The following PCDHA4 variants were observed in gnomAD, a reference collection of about 807,000 sequenced individuals.
PCDHA4 encodes the protein protocadherin alpha 4, also known as protocadherin alpha-4.
In PCDHA4, 49 loss-of-function variants were observed where a neutral mutation model predicts 61.4. The observed-to-expected ratio is 0.80, with a 90% confidence interval of 0.63 to 1.01. PCDHA4 has a LOEUF of 1.01. Ranked by LOEUF, PCDHA4 falls within the 50% of genes least tolerant of loss-of-function variation. PCDHA4 has a pLI of 0.00. For missense variants in PCDHA4, 1,254 were observed against 1,235.8 expected, an observed-to-expected ratio of 1.01 and a Z score of -0.22; for synonymous variants, 590 against 550.3, an observed-to-expected ratio of 1.07 and a Z score of -1.01.
chr5:140,893,958 T>C (rs1391607597), intron 1 of PCDHA4, among the ~76,000 whole-genome samples: 2 of 152,228 alleles, frequency 1.3e-5, no homozygotes, highest in African/African-American at 4.8e-5. Flanking sequence ...ACTTTATTAG[T>C]CATTAGATAC....
At chr5:141,000,854 G>A (rs2097968530) in intron 3 of PCDHA4, among the ~76,000 whole-genome samples, 1 of 152,010 alleles carries the variant, frequency 6.6e-6, no homozygotes, top group Non-Finnish European at 1.5e-5. Flanking sequence ...CTGGCAGTCA[G>A]CCATGACCTC....
At position 140,841,443 on chromosome 5, in the gene PCDHA4, A is replaced by G. The variant is rs2150315650; in HGVS notation, c.2385+31871A>G. 1.2e-6 allele frequency: 2 copies of G among 1,612,892 alleles called. 1 individual carries two copies. Among genetic ancestry groups the G allele is most frequent in the Non-Finnish European group, 1.7e-6 (2 of 1,179,848 alleles). On this transcript the variant is annotated intron_variant, in intron 1 of 3. Transcript: ENST00000530339. ...TACTCCGTCCCCGAGGAGGCCAAAC[A>G]CGGCACCTTCGTGGGCCGGATCGCG...
intron 1 of PCDHA4, chr5:140,817,147 A>G (rs1185390930): frequency 1.3e-5 from 2 of 152,232 alleles, no homozygotes; most frequent in Non-Finnish European, 2.9e-5. Flanking sequence ...GCCAGGTTCC[A>G]TCAGTGCTCT....
At chr5:140,828,526 T>G in intron 1 of PCDHA4, 2 of 1,614,226 alleles carry the variant, frequency 1.2e-6, no homozygotes, top group Non-Finnish European at 1.7e-6. Flanking sequence ...TTTACGAATC[T>G]AGGCTGCCAG....
rs545226629 is a variant in PCDHA4, at chr5:140,856,253, A to G, written c.2385+46681A>G. ...GCGCCTGTTCCGGGTGGCGTCCAAA[A>G]GACACGGGGACCTTCTGGAGGTAAA... On this transcript the variant is annotated intron_variant, in intron 1 of 3. Transcript: ENST00000530339. 2.5e-6 allele frequency: 4 copies of G among 1,597,916 alleles called. No individual in the cohort carries two copies. The African/African-American group carries it at 4.0e-5, about 16-fold the overall frequency.
chr5:140,876,515 C>G (rs782705478), intron 1 of PCDHA4: 4 of 1,613,960 alleles, frequency 2.5e-6, no homozygotes, highest in Non-Finnish European at 3.4e-6. Flanking sequence ...GACAATGTCC[C>G]TGAAGTAATG....
chr5:140,920,801 G>A (rs1303863265), intron 1 of PCDHA4, among the ~76,000 whole-genome samples: 2 of 148,716 alleles, frequency 1.3e-5, no homozygotes, highest in Non-Finnish European at 3.0e-5. Context: ...CCAAGATCAC[G>A]CCACTGCACT....
chr5:140,857,222 G>A (rs373834853), intron 1 of PCDHA4: 1 of 1,598,456 alleles, frequency 6.3e-7, no homozygotes, highest in Non-Finnish European at 8.6e-7. Flanking sequence ...GACGCCTCAC[G>A]TTCCGTTCAA....
rs2150354219 is a variant in PCDHA4 at position 140,843,163 on chromosome 5, T to G, written c.2385+33591T>G. On this transcript the variant is annotated intron_variant, in intron 1 of 3. Coordinates refer to ENST00000530339, the MANE Select transcript of PCDHA4 (RefSeq NM_018907.4). ...GGCTTTCGTATGAGCTGCAGCCAGCTGCAAGCAGCCCTCGCATCCCGTTCC... is the reference window on the plus strand; with the variant it reads ...GGCTTTCGTATGAGCTGCAGCCAGCGGCAAGCAGCCCTCGCATCCCGTTCC... 3.6e-5 allele frequency: 58 copies of G among 1,595,956 alleles called. 4 individuals carry two copies. The South Asian group carries it at 6.1e-4, about 17-fold the overall frequency.
At chr5:140,882,860 A>G in intron 1 of PCDHA4, 1 of 1,614,218 alleles carries the variant, frequency 6.2e-7, no homozygotes, top group Non-Finnish European at 8.5e-7. Context: ...TGTACTGAGG[A>G]AAACACTGGA....
chr5:140,875,793 G>A (rs2055816565), intron 1 of PCDHA4: 1 of 1,614,100 alleles, frequency 6.2e-7, no homozygotes, highest in Non-Finnish European at 8.5e-7. Flanking sequence ...TCCACCTGGA[G>A]GTGATCGTGG....
chr5:140,995,286 C>T (rs571122259), intron 3 of PCDHA4, among the ~76,000 whole-genome samples: 18 of 152,182 alleles, frequency 1.2e-4, no homozygotes, highest in African/African-American at 3.4e-4. Context: ...CCAAAACAGC[C>T]AGTCGGATAC....
At chr5:140,873,336 C>A (rs1436932142) in intron 1 of PCDHA4, among the ~76,000 whole-genome samples, 1 of 152,168 alleles carries the variant, frequency 6.6e-6, no homozygotes, top group African/African-American at 2.4e-5. Flanking sequence ...ATACATTACT[C>A]ATCTCCAGAT....
At position 140,877,018 on chromosome 5, in the gene PCDHA4, A is replaced by C; in HGVS notation, c.2385+67446A>C. On this transcript the variant is annotated intron_variant, in intron 1 of 3. Transcript: ENST00000530339. ...CGTGTCGGTGCACGCGGAGAGCGGC[A>C]AGGTGTACGCGCTGCAGCCGCTAGA... 1 of 1,612,420 alleles carries C rather than the reference A, an allele frequency of 6.2e-7. No homozygotes were observed. Among genetic ancestry groups the C allele is most frequent in the Non-Finnish European group, 8.5e-7 (1 of 1,179,802 alleles).
At chr5:141,009,257 C>T (rs1375950001) in intron 3 of PCDHA4, among the ~76,000 whole-genome samples, 1 of 152,136 alleles carries the variant, frequency 6.6e-6, no homozygotes, top group East Asian at 1.9e-4. Flanking sequence ...GTGTTTGAGA[C>T]CAGCCTGGGC....
At position 140,995,103 on chromosome 5, in the gene PCDHA4, C is replaced by T. The variant is rs535399594; in HGVS notation, c.2533+12540C>T. Reference sequence around the variant, plus strand: ...CAAACTTATCTGTGGAGATACATTCCAAGACCCTCAGTGGATGCCTGAAAC... The same window carrying T: ...CAAACTTATCTGTGGAGATACATTCTAAGACCCTCAGTGGATGCCTGAAAC... On this transcript the variant is annotated intron_variant, in intron 3 of 3. Coordinates refer to ENST00000530339, the MANE Select transcript of PCDHA4 (RefSeq NM_018907.4). 1.1e-4 allele frequency among the ~76,000 whole-genome samples: 16 copies of T among 152,290 alleles called. No individual in the cohort carries two copies. In the South Asian group the frequency reaches 2.9e-3, roughly 28 times the overall value.
At chr5:140,914,339 C>T (rs1554196289) in intron 1 of PCDHA4, among the ~76,000 whole-genome samples, 1 of 152,130 alleles carries the variant, frequency 6.6e-6, no homozygotes, top group East Asian at 1.9e-4. Flanking sequence ...CCTTCTTTGT[C>T]TCTTTTTGGA....
At chr5:140,832,006 T>C (rs192666961) in intron 1 of PCDHA4, among the ~76,000 whole-genome samples, 8 of 152,338 alleles carry the variant, frequency 5.3e-5, no homozygotes, top group Non-Finnish European at 1.0e-4. Context: ...ATTGTTTTCA[T>C]TTTACGTAAA....
intron 1 of PCDHA4, among the ~76,000 whole-genome samples, chr5:140,838,881 C>G (rs2150293311): frequency 2.0e-5 from 3 of 151,836 alleles, no homozygotes; most frequent in Non-Finnish European, 4.4e-5. Flanking sequence ...TGCCACTGAA[C>G]TCCAGCCTAG....
Sources: allele counts gnomAD v4.1 joint callset (sites outside exome capture counted in the v4.1 genomes callset), GRCh38; gene constraint gnomAD v4.1.1; transcripts MANE v1.5; gene names NCBI Gene and HGNC (gene_info 2026-07-23, HGNC 2026-07-21).